The following CAMSAP2 variants were observed in gnomAD, a reference collection of about 807,000 sequenced individuals.
The protein encoded by CAMSAP2 is calmodulin-regulated spectrin-associated protein 2.
CAMSAP2 carries 26 observed loss-of-function variants against 146.1 expected under a neutral mutation model. The ratio of observed to expected loss-of-function variants is 0.18; its 90% CI spans 0.13 to 0.25. The LOEUF is 0.25. Among genes scored for constraint, CAMSAP2 ranks in the 10% least tolerant of loss-of-function variants. The pLI is 1.00. For missense variants in CAMSAP2, 1,381 were observed against 1,759.3 expected, an observed-to-expected ratio of 0.78 and a Z score of 3.85; for synonymous variants, 499 against 596.6, an observed-to-expected ratio of 0.84 and a Z score of 2.38.
At chr1:200,802,243 A>C (rs1300248677) in intron 2 of CAMSAP2, among the ~76,000 whole-genome samples, 1 of 152,192 alleles carries the variant, frequency 6.6e-6, no homozygotes, top group African/African-American at 2.4e-5. Context: ...GCCAACATGG[A>C]GGAATGGCAA....
chr1:200,826,077 G>T (rs150363157), intron 4 of CAMSAP2, among the ~76,000 whole-genome samples: 5 of 152,148 alleles, frequency 3.3e-5, no homozygotes, highest in Non-Finnish European at 5.9e-5. Flanking sequence ...AAAAGAGCTT[G>T]TACCATTTTA....
At position 200,859,637 on chromosome 1, in the gene CAMSAP2, ATGT is replaced by A. The variant is rs1422294002; in HGVS notation, c.*1579_*1581del. Reference sequence around the variant, plus strand: ...TTTTTCCAATACCTGTGCAAGATACATGTGTAGCTCAAAACTATTTGTGATCTA... The same window carrying A: ...TTTTTCCAATACCTGTGCAAGATACAGTAGCTCAAAACTATTTGTGATCTA... On this transcript the variant is annotated 3_prime_UTR_variant, in exon 17 of 17. Transcript: ENST00000358823. The A allele has an allele frequency of 6.6e-6, 1 of 152,262 alleles. No homozygotes were observed. Among genetic ancestry groups the A allele is most frequent in the Non-Finnish European group, 1.5e-5 (1 of 67,912 alleles). 9.4% of individuals were successfully genotyped at this position (152,262 alleles called of 1,614,324 possible). A position where few individuals can be genotyped will look rare whatever the true frequency, so the allele number is the denominator to read the frequency against.
chr1:200,791,485 A>G (rs537934685), intron 2 of CAMSAP2, among the ~76,000 whole-genome samples: 16 of 152,146 alleles, frequency 1.1e-4, no homozygotes, highest in Non-Finnish European at 2.1e-4. Flanking sequence ...CCATTTGTAT[A>G]ACTGCTTGCT....
chr1:200,848,575 A>C lies in CAMSAP2; in HGVS notation c.1806A>C (p.Ile602=). ...VTDTKGALSP[I]TDNTEVDTGI... ...ATACGAAAGGTGCCTTGAGTCCCATAACTGACAATACTGAAGTAGACACTG... is the reference window on the plus strand; with the variant it reads ...ATACGAAAGGTGCCTTGAGTCCCATCACTGACAATACTGAAGTAGACACTG... Residue 602 remains isoleucine, a synonymous_variant, in exon 11 of 17, where the codon ATA becomes ATC. Coordinates refer to ENST00000358823, the MANE Select transcript of CAMSAP2 (RefSeq NM_203459.4). 6.2e-7 allele frequency: 1 copy of C among 1,614,108 alleles called. No individual in the cohort carries two copies. Among genetic ancestry groups the C allele is most frequent in the Non-Finnish European group, 8.5e-7 (1 of 1,179,960 alleles).
In CAMSAP2 at chr1:200,817,202, A is replaced by G. The variant is rs1364025637; in HGVS notation, c.645+1558A>G. Among the ~76,000 whole-genome samples the G allele has an allele frequency of 2.2e-4, 22 of 99,602 alleles. 1 individual carries two copies. The highest frequency in any genetic ancestry group is 4.1e-4 in the Non-Finnish European group (20 of 49,130). The allele number at this position is 99,602 out of a possible 152,430, so 65.3% of individuals were successfully genotyped here. On this transcript the variant is annotated intron_variant, in intron 4 of 16. Coordinates refer to ENST00000358823, the MANE Select transcript of CAMSAP2 (RefSeq NM_203459.4). ...TACACACACACACATGTGTGTGTGT[A>G]TACACACATACACACATATGTGTGT... is the stretch of plus-strand genomic sequence containing the variant.
intron 4 of CAMSAP2, among the ~76,000 whole-genome samples, chr1:200,830,522 A>G (rs529496100): frequency 2.4e-4 from 37 of 152,352 alleles, no homozygotes; most frequent in African/African-American, 8.7e-4. Flanking sequence ...GACTGTTTTT[A>G]TCCCAGATAA....
intron 2 of CAMSAP2, among the ~76,000 whole-genome samples, chr1:200,783,111 G>A (rs942707436): frequency 6.6e-6 from 1 of 152,000 alleles, no homozygotes; most frequent in Non-Finnish European, 1.5e-5. Context: ...TGACTATTAA[G>A]CTATCAAGCA....
rs762578855 is a variant in CAMSAP2 at position 200,832,765 on chromosome 1, C to G, written c.847C>G (p.Gln283Glu). ...ADSLYNLQLI[Q>E]EFCQEYLNQC... Reference sequence around the variant, plus strand: ...TAGCCTGTATAATCTGCAGCTGATTCAAGAATTTTGCCAAGAATACTTGAA... The same window carrying G: ...TAGCCTGTATAATCTGCAGCTGATTGAAGAATTTTGCCAAGAATACTTGAA... The change falls in exon 6 of 17, where the codon CAA (glutamine) becomes GAA (glutamate). Residue 283 changes from glutamine (Q) to glutamate (E), a missense_variant. Gln to Glu is a conservative substitution (Grantham distance 29, BLOSUM62 2). Transcript: ENST00000358823. The surrounding 1 kb of genome is among the most constrained non-coding windows in gnomAD (Gnocchi z 4.2). 33 of 1,611,156 alleles carry G rather than the reference C, an allele frequency of 2.0e-5. No individual in the cohort carries two copies. Among genetic ancestry groups the G allele is most frequent in the Non-Finnish European group, 2.7e-5 (32 of 1,178,302 alleles).
At position 200,766,428 on chromosome 1, in the gene CAMSAP2, A is replaced by G. The variant is rs1291010671; in HGVS notation, c.399+5330A>G. Among the ~76,000 whole-genome samples, 3 of 152,158 alleles carry G rather than the reference A, an allele frequency of 2.0e-5. No homozygotes were observed. In the South Asian group the frequency reaches 6.2e-4, roughly 31 times the overall value. ...GAGCTGGGATTACACCTGGTCTATC[A>G]GGTAGCTCTTTTCATTTAGTTTACT... On this transcript the variant is annotated intron_variant, in intron 2 of 16. Transcript: ENST00000358823.
At chr1:200,817,247 CATATGTGTGTGTATAT>C (rs1430783960) in intron 4 of CAMSAP2, among the ~76,000 whole-genome samples, 6 of 13,850 alleles carry the variant, frequency 4.3e-4, no homozygotes, top group South Asian at 2.8e-3. Context: ...CACATACACA[CATATGTGTGTGTATAT>C]ACACACATAT....
chr1:200,843,506 T>C (rs1667379994), intron 7 of CAMSAP2, among the ~76,000 whole-genome samples: 1 of 152,242 alleles, frequency 6.6e-6, no homozygotes, highest in Admixed American at 6.5e-5. Context: ...CAGATATTCT[T>C]AGTAATTTTC....
At chr1:200,798,945 G>A (rs1255286852) in intron 2 of CAMSAP2, among the ~76,000 whole-genome samples, 1 of 151,586 alleles carries the variant, frequency 6.6e-6, no homozygotes, top group Non-Finnish European at 1.5e-5. Flanking sequence ...TTTGTCTTTG[G>A]CTCTGTTTAT....
At chr1:200,814,919 A>AT (rs970296901) in intron 3 of CAMSAP2, among the ~76,000 whole-genome samples, 1 of 151,938 alleles carries the variant, frequency 6.6e-6, no homozygotes, top group Non-Finnish European at 1.5e-5. Flanking sequence ...AAAACCAAAA[A>AT]TTATCTAAAG....
At chr1:200,777,548 T>G (rs1340355523) in intron 2 of CAMSAP2, among the ~76,000 whole-genome samples, 1 of 152,156 alleles carries the variant, frequency 6.6e-6, no homozygotes, top group Non-Finnish European at 1.5e-5. Context: ...TTTTATCTCT[T>G]TAAGTTTGTC....
intron 2 of CAMSAP2, among the ~76,000 whole-genome samples, chr1:200,803,881 G>A (rs964655826): frequency 1.3e-5 from 2 of 151,816 alleles, no homozygotes; most frequent in African/African-American, 4.8e-5. Flanking sequence ...GTGTGTGCGT[G>A]TGTGTCTGTG....
chr1:200,804,477 G>GT (rs1010587818), intron 2 of CAMSAP2, among the ~76,000 whole-genome samples: 1 of 151,936 alleles, frequency 6.6e-6, no homozygotes, highest in African/African-American at 2.4e-5. Context: ...TCTCTCATGT[G>GT]TTTATAGAAC....
chr1:200,780,438 T>C (rs1339941883), intron 2 of CAMSAP2, among the ~76,000 whole-genome samples: 2 of 152,240 alleles, frequency 1.3e-5, no homozygotes, highest in Non-Finnish European at 2.9e-5. Flanking sequence ...TCATTTTTGC[T>C]TAATTTGGGG....
intron 2 of CAMSAP2, among the ~76,000 whole-genome samples, chr1:200,800,612 T>C (rs927848245): frequency 2.6e-5 from 4 of 152,142 alleles, no homozygotes; most frequent in African/African-American, 9.7e-5. Context: ...GTCTTGACTC[T>C]ATCCAATTTG....
intron 1 of CAMSAP2, among the ~76,000 whole-genome samples, chr1:200,750,871 GGGATTATA>G (rs1053421457): frequency 3.5e-4 from 52 of 149,152 alleles, no homozygotes; most frequent in African/African-American, 1.2e-3. Flanking sequence ...CCAAAATGCT[GGGATTATA>G]GGCATGAGCC....
Sources: allele counts gnomAD v4.1 joint callset (sites outside exome capture counted in the v4.1 genomes callset), GRCh38; gene constraint gnomAD v4.1.1; non-coding constraint Gnocchi (gnomAD v3.1); transcripts MANE v1.5; gene names NCBI Gene and HGNC (gene_info 2026-07-23, HGNC 2026-07-21).